LRRC7: variants seen among roughly 807,000 people sequenced by gnomAD.
LRRC7 encodes the protein leucine rich repeat containing 7.
In LRRC7, 23 loss-of-function variants were observed where a neutral mutation model predicts 175.7. That is an observed-to-expected ratio of 0.13 (90% CI 0.09 to 0.19). LRRC7 has a LOEUF of 0.19. Ranked by LOEUF, LRRC7 falls within the 10% of genes least tolerant of loss-of-function variation. The probability of loss-of-function intolerance (pLI) is 1.00; values close to 1 mark genes in which losing one functional copy is unlikely to be tolerated. For synonymous variants in LRRC7, 685 were observed against 680.9 expected, an observed-to-expected ratio of 1.01 and a Z score of -0.09; for missense variants, 1,354 against 1,904.7, an observed-to-expected ratio of 0.71 and a Z score of 5.38.
intron 1 of LRRC7, among the ~76,000 whole-genome samples, chr1:69,593,910 C>G (rs1424333081): frequency 6.6e-6 from 1 of 152,162 alleles, no homozygotes; most frequent in African/African-American, 2.4e-5. Flanking sequence ...CCTTAACTCC[C>G]TTAACACAAT....
At chr1:69,701,478 G>A (rs972399835) in intron 2 of LRRC7, among the ~76,000 whole-genome samples, 4 of 152,032 alleles carry the variant, frequency 2.6e-5, no homozygotes, top group African/African-American at 7.2e-5. Context: ...TTAGTGAATA[G>A]GACAGAAGAC....
chr1:69,630,975 A>T (rs1403908821), intron 1 of LRRC7, among the ~76,000 whole-genome samples: 1 of 151,220 alleles, frequency 6.6e-6, no homozygotes, highest in African/African-American at 2.4e-5. Context: ...TTTAAAAATC[A>T]CTCCTTTTGA....
chr1:70,121,654 C>A, intron 26 of LRRC7, 126 bp from the exon 27 acceptor site: 2 of 615,562 alleles, frequency 3.2e-6, no homozygotes, highest in South Asian at 2.3e-5. Flanking sequence ...AATTGCGATT[C>A]CATTGTGAAT....
chr1:69,604,371 T>C (rs1647221608), intron 1 of LRRC7, among the ~76,000 whole-genome samples: 1 of 152,204 alleles, frequency 6.6e-6, no homozygotes, highest in Non-Finnish European at 1.5e-5. Flanking sequence ...CAATAAAAAA[T>C]AATGTGAAGT....
chr1:70,057,354 A>T (rs1314763243), intron 23 of LRRC7, among the ~76,000 whole-genome samples: 1 of 152,254 alleles, frequency 6.6e-6, no homozygotes, highest in African/African-American at 2.4e-5. Context: ...TGCAAAATTT[A>T]CTGAAATAGA....
At chr1:69,955,648 G>C (rs1650415440) in intron 8 of LRRC7, among the ~76,000 whole-genome samples, 1 of 151,928 alleles carries the variant, frequency 6.6e-6, no homozygotes, top group South Asian at 2.1e-4. Flanking sequence ...GATAAAATTG[G>C]TATGTTTGCA....
chr1:70,097,048 T>C (rs1157892682), intron 25 of LRRC7, among the ~76,000 whole-genome samples: 1 of 152,238 alleles, frequency 6.6e-6, no homozygotes, highest in African/African-American at 2.4e-5. Flanking sequence ...TTCTTTAACC[T>C]ATGCCTTTTT....
At chr1:69,889,382 T>G (rs992824059) in intron 7 of LRRC7, among the ~76,000 whole-genome samples, 3 of 152,244 alleles carry the variant, frequency 2.0e-5, no homozygotes, top group African/African-American at 7.2e-5. Flanking sequence ...GTAGAACTTC[T>G]TTCAAAATTT....
chr1:69,625,187 T>G (rs982936469), intron 1 of LRRC7, among the ~76,000 whole-genome samples: 8 of 151,914 alleles, frequency 5.3e-5, no homozygotes, highest in Admixed American at 4.6e-4. Context: ...AAGGAGTATT[T>G]TGGTTTTTCT....
intron 26 of LRRC7, among the ~76,000 whole-genome samples, chr1:70,113,236 T>A (rs1288651886): frequency 5.3e-5 from 8 of 152,138 alleles, no homozygotes; most frequent in Non-Finnish European, 1.2e-4. Context: ...GACCAGTAGG[T>A]GTGATCAGCT....
At chr1:69,627,043 T>A in intron 1 of LRRC7, among the ~76,000 whole-genome samples, 1 of 152,166 alleles carries the variant, frequency 6.6e-6, no homozygotes, top group Non-Finnish European at 1.5e-5. Flanking sequence ...TACATGTGCT[T>A]GTGTCTTTAT....
chr1:69,640,401 C>G (rs952825380), intron 1 of LRRC7, among the ~76,000 whole-genome samples: 1 of 151,514 alleles, frequency 6.6e-6, no homozygotes, highest in South Asian at 2.1e-4. Context: ...TACTTTTTGA[C>G]TTGTATAATA....
chr1:69,915,725 T>A (rs1646666375), intron 7 of LRRC7, among the ~76,000 whole-genome samples: 1 of 152,068 alleles, frequency 6.6e-6, no homozygotes, highest in East Asian at 1.9e-4. Flanking sequence ...TAGAAAACAC[T>A]TTCTTAGACG....
intron 11 of LRRC7, among the ~76,000 whole-genome samples, chr1:70,004,391 G>A (rs189478062): frequency 1.3e-5 from 2 of 152,262 alleles, no homozygotes; most frequent in East Asian, 3.9e-4. Flanking sequence ...CCTAAATTAA[G>A]TGAAATTGAT....
At chr1:69,771,914 A>G (rs1350094901) in intron 3 of LRRC7, among the ~76,000 whole-genome samples, 1 of 152,166 alleles carries the variant, frequency 6.6e-6, no homozygotes, top group African/African-American at 2.4e-5. Context: ...TGAAGTCAAG[A>G]GATCAAGACC....
chr1:69,582,814 A>G (rs1480068707), intron 1 of LRRC7, among the ~76,000 whole-genome samples: 4 of 152,134 alleles, frequency 2.6e-5, no homozygotes, highest in Non-Finnish European at 5.9e-5. Context: ...TGGCTCTTGT[A>G]TCCTGGCCAG....
At chr1:69,853,763 C>A (rs985975100) in intron 7 of LRRC7, among the ~76,000 whole-genome samples, 18 of 152,090 alleles carry the variant, frequency 1.2e-4, no homozygotes, top group African/African-American at 4.1e-4. Flanking sequence ...AAGCAGACAG[C>A]TTTTTCCTTT....
chr1:69,977,275 A>G (rs1032955734), intron 8 of LRRC7, among the ~76,000 whole-genome samples: 7 of 152,160 alleles, frequency 4.6e-5, no homozygotes, highest in Admixed American at 1.3e-4. Context: ...AGGATAGAGT[A>G]TATATACAGA....
intron 5 of LRRC7, among the ~76,000 whole-genome samples, chr1:69,828,660 T>TTAC (rs1680197204): frequency 6.6e-6 from 1 of 152,090 alleles, no homozygotes; most frequent in Non-Finnish European, 1.5e-5. Context: ...TAATCATGGT[T>TTAC]GTGCTAAGGA....
Sources: gnomAD v4.1 joint callset for allele counts (sites outside exome capture counted in the v4.1 genomes callset) on GRCh38, gnomAD v4.1.1 for gene constraint, MANE v1.5 for transcripts, NCBI Gene and HGNC (gene_info 2026-07-23, HGNC 2026-07-21) for gene names.